SART1: variants seen among roughly 807,000 people sequenced by gnomAD.
SART1 encodes spliceosome associated factor 1, recruiter of U4/U6.U5 tri-snRNP.
In SART1, 28 loss-of-function variants were observed where a neutral mutation model predicts 105.0. The observed-to-expected ratio is 0.27, with a 90% CI of 0.20 to 0.37. SART1 has a LOEUF of 0.37. Ranked by LOEUF, SART1 falls within the 10% of genes least tolerant of loss-of-function variation. The probability of loss-of-function intolerance (pLI) is 1.00; values close to 1 mark genes in which losing one functional copy is unlikely to be tolerated. For missense variants in SART1, 894 were observed against 1,106.5 expected (o/e 0.81, Z 2.72); for synonymous variants, 472 against 462.9 (o/e 1.02, Z -0.25).
chr11:65,967,949 GTTTTTTTTT>G, intron 12 of SART1, 128 bp downstream of exon 12: 1 of 422,352 alleles, frequency 2.4e-6, no homozygotes, highest in Non-Finnish European at 3.8e-6. Context: ...TTCTGGGTTT[GTTTTTTTTT>G]TTTTTTTTTG....
intron 9 of SART1, 125 bp downstream of exon 9, chr11:65,966,681 G>A (rs981817879): frequency 6.0e-6 from 7 of 1,158,526 alleles, no homozygotes; most frequent in East Asian, 5.2e-5. Flanking sequence ...GGCCTCGCGG[G>A]TGAGCACTAA....
chr11:65,969,149 G>A (rs1337559924), intron 12 of SART1, among the ~76,000 whole-genome samples: 3 of 152,194 alleles, frequency 2.0e-5, no homozygotes, highest in Non-Finnish European at 4.4e-5. Flanking sequence ...CAGGCTTACT[G>A]TTGAAGGGCT....
chr11:65,961,843 C>T lies in SART1; in HGVS notation c.63C>T (p.Gly21=). 2.5e-6 allele frequency: 4 copies of T among 1,574,656 alleles called. No individual in the cohort carries two copies. Among genetic ancestry groups the T allele is most frequent in the South Asian group, 1.1e-5 (1 of 87,298 alleles). ...KEAAGTTAAA[G]TGGATEQPPR... is the part of the protein sequence containing the mutation. ...CGGCCGGGACGACGGCGGCGGCCGG[C>T]ACCGGGGGTGCCACCGAGCAGCCGC... Residue 21 remains glycine (G), a synonymous_variant, in exon 1 of 20, where the codon GGC becomes GGT. Coordinates refer to ENST00000312397, the MANE Select transcript of SART1 (RefSeq NM_005146.5).
At position 65,964,679 on chromosome 11, in the gene SART1, A is replaced by G. The variant is rs1282334579; in HGVS notation, c.427+109A>G. 1.3e-5 allele frequency: 15 copies of G among 1,116,974 alleles called. No homozygotes were observed. In the East Asian group the frequency reaches 2.5e-4, roughly 19 times the overall value. 69.2% of individuals were successfully genotyped at this position (1,116,974 alleles called of 1,614,324 possible). ...TCAGCACTGTTTAGTGGTCTTACAC[A>G]TGCATATTTGCCGGAAGGCATGAGG... On this transcript the variant is annotated intron_variant, in intron 3 of 19. Coordinates refer to ENST00000312397, the MANE Select transcript of SART1 (RefSeq NM_005146.5).
Position 65,978,076 on chromosome 11 carries a change from C to T in SART1, c.2172+177C>T, listed in dbSNP as rs775435815. 4.5e-6 allele frequency: 3 copies of T among 673,790 alleles called. No homozygotes were observed. The highest frequency in any genetic ancestry group is 5.0e-6 in the Non-Finnish European group (2 of 402,666). 41.7% of individuals were successfully genotyped at this position (673,790 alleles called of 1,614,324 possible). ...GCCCTCAGGGCTGAGGAAGGCTGTG[C>T]CTCAGTTTGTCTCTAGTGGGCACAG... On this transcript the variant is annotated intron_variant, in intron 17 of 19. Coordinates refer to ENST00000312397, the MANE Select transcript of SART1 (RefSeq NM_005146.5). This position sits in a 1 kb window ranked among gnomAD's most constrained non-coding sequence, Gnocchi z 6.8.
rs1429765748 is a variant in SART1, at chr11:65,978,981, T to C, written c.2385-31T>C. The C allele has an allele frequency of 1.2e-6, 2 of 1,614,056 alleles. No individual in the cohort carries two copies. Among genetic ancestry groups the C allele is most frequent in the Admixed American group, 3.3e-5 (2 of 60,026 alleles). On this transcript the variant is annotated intron_variant, in intron 19 of 19. Transcript: ENST00000312397. This position sits in a 1 kb window ranked among gnomAD's most constrained non-coding sequence, Gnocchi z 6.8. ...GGGTGGCGTGGCCTGTGCCCGCCTC[T>C]GCAGCCTCACGCCCCTGTTCTTCTC...
At chr11:65,968,207 G>A (rs890673280) in intron 12 of SART1, among the ~76,000 whole-genome samples, 1 of 152,068 alleles carries the variant, frequency 6.6e-6, no homozygotes, top group South Asian at 2.1e-4. Flanking sequence ...CTCTGCCTCC[G>A]AAAATGCTAA....
chr11:65,978,355 G>C lies in SART1; in HGVS notation c.2173-245G>C. ...TCCAGGCCCAGCCCCTGCGTGGCAG[G>C]TCTCCAGGTTCCCCATGCTCTGCCC... On this transcript the variant is annotated intron_variant, in intron 17 of 19. Transcript: ENST00000312397. This position sits in a 1 kb window ranked among gnomAD's most constrained non-coding sequence, Gnocchi z 6.8. 1 of 558,516 alleles carries C rather than the reference G, an allele frequency of 1.8e-6. No homozygotes were observed. The highest frequency in any genetic ancestry group is 3.2e-6 in the Non-Finnish European group (1 of 310,732). 34.6% of individuals were successfully genotyped at this position (558,516 alleles called of 1,614,324 possible).
rs142676468 is a variant in SART1 at position 65,966,513 on chromosome 11, T to A, written c.1145T>A (p.Val382Glu). Residue 382 changes from valine to glutamate, a missense_variant, in exon 9 of 20, where the codon GTG becomes GAG. Around this residue, in one of 2 missense-constraint regions of SART1, gnomAD observed 712 missense variants for 778.2 expected, o/e 0.91. Transcript: ENST00000312397. ...LRLQAQSLST[V>E]GPRLASEYLT... Reference sequence around the variant, plus strand: ...CTGCAGGCTCAGTCCCTGAGCACAGTGGGGCCCCGGCTGGCCTCCGAATAC... The same window carrying A: ...CTGCAGGCTCAGTCCCTGAGCACAGAGGGGCCCCGGCTGGCCTCCGAATAC... The A allele has an allele frequency of 3.2e-6, 5 of 1,583,352 alleles. No homozygotes were observed. The highest frequency in any genetic ancestry group is 3.4e-6 in the Non-Finnish European group (4 of 1,164,664).
chr11:65,975,300 A>G (rs1322990702), intron 12 of SART1, among the ~76,000 whole-genome samples: 3 of 150,350 alleles, frequency 2.0e-5, no homozygotes, highest in Non-Finnish European at 4.4e-5. Flanking sequence ...ACTGTGCTTC[A>G]CCTTATTGTC....
chr11:65,962,017 C>T lies in SART1; in HGVS notation c.237C>T (p.His79=), dbSNP rs1205531925. 3.3e-6 allele frequency: 5 copies of T among 1,509,072 alleles called. No individual in the cohort carries two copies. The highest frequency in any genetic ancestry group is 2.7e-5 in the East Asian group (1 of 36,504). The allele number at this position is 1,509,072 out of a possible 1,614,324, so 93.5% of individuals were successfully genotyped here. The change falls in exon 1 of 20, where the codon CAC becomes CAT. Residue 79 remains histidine, a synonymous_variant. Transcript: ENST00000312397. ...AAGCTGAGGCCCGGAGCAGCACGCA[C>T]GGGCGGGAGCGCAGCCAGGCAGAGC... ...GAEAEARSST[H]GRERSQAEPS...
At chr11:65,972,451 CAAATT>C (rs1361740164) in intron 12 of SART1, among the ~76,000 whole-genome samples, 3 of 152,100 alleles carry the variant, frequency 2.0e-5, no homozygotes, top group Non-Finnish European at 4.4e-5. Flanking sequence ...ATTTCGGAAT[CAAATT>C]AAGGAAATTA....
chr11:65,962,230 C>G (rs1228330012), intron 1 of SART1, 137 bp downstream of exon 1: 2 of 662,368 alleles, frequency 3.0e-6, no homozygotes, highest in East Asian at 6.8e-5. Context: ...ATTAAATAGT[C>G]TTTCTACGGG....
chr11:65,973,201 T>G (rs573280641), intron 12 of SART1, among the ~76,000 whole-genome samples: 50 of 152,048 alleles, frequency 3.3e-4, no homozygotes, highest in African/African-American at 1.1e-3. Flanking sequence ...GAACGTAAGT[T>G]TTTTGTTTTT....
At chr11:65,967,623 A>G (rs757594096) in intron 11 of SART1, 37 bp downstream of exon 11, 45 of 1,603,796 alleles carry the variant, frequency 2.8e-5, no homozygotes, top group Non-Finnish European at 3.5e-5. Context: ...GGGCAGGGAC[A>G]GGAGCCGCGG....
chr11:65,979,361 T>G lies in SART1; in HGVS notation c.*331T>G. 1 of 454,516 alleles carries G rather than the reference T, an allele frequency of 2.2e-6. No individual in the cohort carries two copies. The highest frequency in any genetic ancestry group is 2.3e-5 in the South Asian group (1 of 43,234). The allele number at this position is 454,516 out of a possible 1,614,324, so 28.2% of individuals were successfully genotyped here. A position where few individuals can be genotyped will look rare whatever the true frequency, so the allele number is the denominator to read the frequency against. ...CTCCTGGCCTCGGGGGCTGCACAGG[T>G]CACTGTCCTGTAATGTCTCCCGGTC... On this transcript the variant is annotated 3_prime_UTR_variant, in exon 20 of 20. Transcript: ENST00000312397.
intron 12 of SART1, among the ~76,000 whole-genome samples, chr11:65,975,410 ATTTTTT>A (rs531946236): frequency 9.1e-6 from 1 of 110,138 alleles, no homozygotes. Context: ...CCCTGGAAGA[ATTTTTT>A]TTTTTTTTTT....
rs770293260 is a variant in SART1 at position 65,977,858 on chromosome 11, G to A, written c.2131G>A (p.Glu711Lys). The A allele has an allele frequency of 5.0e-6, 8 of 1,613,712 alleles. No individual in the cohort carries two copies. Among genetic ancestry groups the A allele is most frequent in the Non-Finnish European group, 6.8e-6 (8 of 1,179,924 alleles). ...CGGCTACAAACCCGACGTTAAGATC[G>A]AATACGTGGATGAGACGGGCCGGAA... Reference protein sequence around the residue: ...KDGYKPDVKIEYVDETGRKLT... With the variant: ...KDGYKPDVKIKYVDETGRKLT... Residue 711 changes from glutamate (E) to lysine (K), a missense_variant, in exon 17 of 20, where the codon GAA becomes AAA. By Grantham distance (56) the Glu-to-Lys change is moderately conservative. This residue lies in a region of SART1 where 182 missense variants were observed against 328.3 expected (regional missense o/e 0.55). Coordinates refer to ENST00000312397, the MANE Select transcript of SART1 (RefSeq NM_005146.5).
intron 12 of SART1, among the ~76,000 whole-genome samples, chr11:65,971,559 T>G (rs1590640011): frequency 1.3e-3 from 6 of 4,680 alleles, no homozygotes; most frequent in Admixed American, 5.0e-3. Context: ...AGGAGGGGGA[T>G]GGTGGGATTC....
Sources: gnomAD v4.1 joint callset for allele counts (sites outside exome capture counted in the v4.1 genomes callset) on GRCh38, gnomAD v4.1.1 for gene constraint, gnomAD v4.1.1 regional missense constraint, Gnocchi (gnomAD v3.1) non-coding constraint, MANE v1.5 for transcripts, NCBI Gene and HGNC (gene_info 2026-07-23, HGNC 2026-07-21) for gene names.